Variants in OTUD7A observed in about 807,000 individuals in gnomAD.
OTUD7A encodes OTU deubiquitinase 7A, also known as OTU domain-containing protein 7A.
OTUD7A carries 12 observed loss-of-function variants against 65.7 expected under a neutral mutation model. The ratio of observed to expected loss-of-function variants is 0.18; its 90% CI spans 0.12 to 0.30. The LOEUF (loss-of-function observed/expected upper bound fraction) is 0.30. Among genes scored for constraint, OTUD7A ranks in the 10% least tolerant of loss-of-function variants. OTUD7A has a pLI of 1.00. For synonymous variants in OTUD7A, 641 were observed against 586.3 expected (o/e 1.09, Z -1.35); for missense variants, 1,148 against 1,304.8 (o/e 0.88, Z 1.85).
intron 1 of OTUD7A, among the ~76,000 whole-genome samples, chr15:31,665,461 T>C (rs1178564567): frequency 6.6e-6 from 1 of 152,256 alleles, no homozygotes; most frequent in African/African-American, 2.4e-5. Context: ...GATTCTCTGC[T>C]TGGTCTCTCC....
intron 1 of OTUD7A, among the ~76,000 whole-genome samples, chr15:31,719,741 C>T (rs1156750742): frequency 6.6e-6 from 1 of 152,230 alleles, no homozygotes; most frequent in Non-Finnish European, 1.5e-5. Context: ...TCACATCTTA[C>T]TCAGAAGAAA....
At chr15:31,517,150 C>A (rs940184861) in intron 8 of OTUD7A, among the ~76,000 whole-genome samples, 1 of 152,192 alleles carries the variant, frequency 6.6e-6, no homozygotes, top group Non-Finnish European at 1.5e-5. Context: ...GGACACCTGC[C>A]AGGTAAGAGA....
At chr15:31,582,475 G>C (rs1352173761) in intron 3 of OTUD7A, among the ~76,000 whole-genome samples, 1 of 152,202 alleles carries the variant, frequency 6.6e-6, no homozygotes, top group African/African-American at 2.4e-5. Flanking sequence ...CAGAGACTGG[G>C]TAATTTGTAG....
intron 1 of OTUD7A, among the ~76,000 whole-genome samples, chr15:31,709,798 A>G (rs1255661694): frequency 6.6e-6 from 1 of 152,182 alleles, no homozygotes; most frequent in African/African-American, 2.4e-5. Context: ...ATGTGTGTAT[A>G]TGCAAATATA....
At chr15:31,488,740 T>C (rs2041275300) in intron 10 of OTUD7A, among the ~76,000 whole-genome samples, 1 of 152,120 alleles carries the variant, frequency 6.6e-6, no homozygotes, top group East Asian at 1.9e-4. Flanking sequence ...GGTAAGAAAT[T>C]GGAAAAACTG....
intron 3 of OTUD7A, among the ~76,000 whole-genome samples, chr15:31,608,846 C>T (rs1890313225): frequency 6.6e-6 from 1 of 152,186 alleles, no homozygotes. Flanking sequence ...AGGAATAAAC[C>T]AGGAATCTAT....
intron 4 of OTUD7A, among the ~76,000 whole-genome samples, chr15:31,566,051 G>A (rs1335470286): frequency 1.3e-5 from 2 of 152,040 alleles, no homozygotes; most frequent in Non-Finnish European, 2.9e-5. Flanking sequence ...AATTAGCTAG[G>A]CGTGGTGGCG....
intron 3 of OTUD7A, among the ~76,000 whole-genome samples, chr15:31,591,123 G>A (rs1889710463): frequency 6.6e-6 from 1 of 152,070 alleles, no homozygotes; most frequent in Non-Finnish European, 1.5e-5. Context: ...GAGAGGAAGA[G>A]GGAGGGCAAT....
intron 1 of OTUD7A, among the ~76,000 whole-genome samples, chr15:31,793,351 G>A (rs1417970550): frequency 6.6e-6 from 1 of 152,124 alleles, no homozygotes; most frequent in Non-Finnish European, 1.5e-5. Flanking sequence ...CATCACACAA[G>A]GCTTTTTCCT....
At chr15:31,783,300 C>G (rs887983598) in intron 1 of OTUD7A, among the ~76,000 whole-genome samples, 1 of 152,202 alleles carries the variant, frequency 6.6e-6, no homozygotes, top group African/African-American at 2.4e-5. Flanking sequence ...CGTCTAGGGG[C>G]TTACCTTTTA....
At chr15:31,651,640 G>C (rs1445332150) in intron 3 of OTUD7A, among the ~76,000 whole-genome samples, 2 of 150,666 alleles carry the variant, frequency 1.3e-5, no homozygotes, top group South Asian at 4.2e-4. Flanking sequence ...AACAAACTGA[G>C]TTTAGCTTTA....
At chr15:31,726,255 C>T (rs546639367) in intron 1 of OTUD7A, among the ~76,000 whole-genome samples, 6 of 152,194 alleles carry the variant, frequency 3.9e-5, no homozygotes, top group African/African-American at 1.4e-4. Flanking sequence ...GTACACATCG[C>T]TTAATTCCTG....
At chr15:31,808,770 T>G (rs1896346052) in intron 1 of OTUD7A, among the ~76,000 whole-genome samples, 1 of 152,228 alleles carries the variant, frequency 6.6e-6, no homozygotes, top group Non-Finnish European at 1.5e-5. Flanking sequence ...TTCCCTCCCC[T>G]GAGCCTCACA....
intron 3 of OTUD7A, among the ~76,000 whole-genome samples, chr15:31,609,035 C>G (rs1440957382): frequency 6.6e-6 from 1 of 152,150 alleles, no homozygotes; most frequent in Non-Finnish European, 1.5e-5. Flanking sequence ...GGAGCAGAGT[C>G]AATTTAGAGA....
rs1427684291 is a variant in OTUD7A at position 31,716,318 on chromosome 15, T to C, written c.-99-59241A>G. On this transcript the variant is annotated intron_variant, in intron 1 of 12. Transcript: ENST00000307050. Reference sequence around the variant, plus strand: ...ATGTATTATATGTAATATTGATTAATATATTACATATGGATTAATTACATA... The same window carrying C: ...ATGTATTATATGTAATATTGATTAACATATTACATATGGATTAATTACATA... 3.2e-4 allele frequency among the ~76,000 whole-genome samples: 32 copies of C among 99,260 alleles called. 9 individuals are homozygous for C. In the East Asian group the frequency reaches 0.011, roughly 33 times the overall value. The allele number at this position is 99,260 out of a possible 152,430, so 65.1% of individuals were successfully genotyped here.
intron 1 of OTUD7A, among the ~76,000 whole-genome samples, chr15:31,733,532 C>G (rs1894105359): frequency 6.6e-6 from 1 of 152,226 alleles, no homozygotes; most frequent in African/African-American, 2.4e-5. Context: ...GGAAGCACCC[C>G]CTGGCTGCCC....
At chr15:31,758,210 A>G (rs1894866940) in intron 1 of OTUD7A, among the ~76,000 whole-genome samples, 2 of 152,182 alleles carry the variant, frequency 1.3e-5, no homozygotes, top group South Asian at 4.1e-4. Context: ...GGATAGTATC[A>G]TTTAGATAAA....
intron 8 of OTUD7A, among the ~76,000 whole-genome samples, chr15:31,517,701 G>A (rs1056105311): frequency 8.5e-5 from 13 of 152,212 alleles, no homozygotes; most frequent in African/African-American, 2.9e-4. Context: ...GGGATATACC[G>A]TCTACCCAAT....
intron 8 of OTUD7A, among the ~76,000 whole-genome samples, chr15:31,515,203 A>G (rs926785242): frequency 2.0e-5 from 3 of 152,178 alleles, no homozygotes; most frequent in African/African-American, 7.2e-5. Context: ...AGTGCTGGAA[A>G]GAGAGGAGCT....
Sources: gnomAD v4.1 joint callset for allele counts (sites outside exome capture counted in the v4.1 genomes callset) on GRCh38, gnomAD v4.1.1 for gene constraint, MANE v1.5 for transcripts, NCBI Gene and HGNC (gene_info 2026-07-23, HGNC 2026-07-21) for gene names.